ARSB: variants seen among roughly 807,000 people sequenced by gnomAD.
ARSB encodes N-acetylgalactosamine-4-sulfatase.
A neutral mutation model predicts 50.9 loss-of-function variants in ARSB; 41 were observed. That is an observed-to-expected ratio of 0.81 (90% CI 0.63 to 1.04). The LOEUF is 1.04. Ranked by LOEUF, ARSB falls within the 50% of genes least tolerant of loss-of-function variation. The pLI is 0.00. For synonymous variants in ARSB, 269 were observed against 284.8 expected (o/e 0.94, Z 0.56); for missense variants, 672 against 693.3 (o/e 0.97, Z 0.35).
chr5:78,804,252 G>GA (rs1019521860), intron 6 of ARSB, among the ~76,000 whole-genome samples: 19 of 147,454 alleles, frequency 1.3e-4, no homozygotes, highest in East Asian at 7.9e-4. Flanking sequence ...AGTTTTTGTG[G>GA]AAAAAAAAAA....
intron 6 of ARSB, among the ~76,000 whole-genome samples, chr5:78,804,281 G>A (rs1413361253): frequency 6.6e-6 from 1 of 151,312 alleles, no homozygotes; most frequent in Admixed American, 6.6e-5. Flanking sequence ...CTTCAGCTCA[G>A]CATGATTTTT....
chr5:78,932,134 G>T (rs1034855911), intron 4 of ARSB, among the ~76,000 whole-genome samples: 2 of 152,100 alleles, frequency 1.3e-5, no homozygotes, highest in Admixed American at 1.3e-4. Context: ...TATCAAAAAG[G>T]CATACTTCAG....
intron 6 of ARSB, among the ~76,000 whole-genome samples, chr5:78,792,341 T>C (rs1179771445): frequency 6.7e-6 from 1 of 150,286 alleles, no homozygotes; most frequent in Non-Finnish European, 1.5e-5. Flanking sequence ...ATCGCATCAC[T>C]GTACTCCAGC....
chr5:78,868,006 G>A (rs1362764933), intron 5 of ARSB, among the ~76,000 whole-genome samples: 15 of 129,796 alleles, frequency 1.2e-4, no homozygotes, highest in Admixed American at 8.3e-5. Flanking sequence ...CGAGAACTAC[G>A]TGAAGAATGC....
chr5:78,905,271 T>C (rs1749000194), intron 4 of ARSB, among the ~76,000 whole-genome samples: 1 of 151,994 alleles, frequency 6.6e-6, no homozygotes, highest in African/African-American at 2.4e-5. Context: ...TGGATGATCA[T>C]CTCAAATGAG....
At chr5:78,971,228 T>C (rs956119994) in intron 1 of ARSB, among the ~76,000 whole-genome samples, 1 of 152,144 alleles carries the variant, frequency 6.6e-6, no homozygotes, top group South Asian at 2.1e-4. Flanking sequence ...TATCCCTCCT[T>C]GTCTACCCAG....
intron 4 of ARSB, among the ~76,000 whole-genome samples, chr5:78,909,467 C>T (rs962176241): frequency 6.6e-6 from 1 of 152,180 alleles, no homozygotes; most frequent in African/African-American, 2.4e-5. Context: ...AATTGCTTTG[C>T]CCTGAGATGC....
chr5:78,914,702 A>C (rs1362280209), intron 4 of ARSB, among the ~76,000 whole-genome samples: 1 of 152,190 alleles, frequency 6.6e-6, no homozygotes, highest in African/African-American at 2.4e-5. Flanking sequence ...TTTGAGACAG[A>C]GTCTCGCTCT....
At chr5:78,980,755 T>TA (rs1561539912) in intron 1 of ARSB, among the ~76,000 whole-genome samples, 2 of 151,904 alleles carry the variant, frequency 1.3e-5, no homozygotes, top group Non-Finnish European at 2.9e-5. Context: ...TGTGTGTGTG[T>TA]TTTGGTAGAT....
At chr5:78,782,232 T>C (rs1255570126) in intron 6 of ARSB, among the ~76,000 whole-genome samples, 5 of 152,238 alleles carry the variant, frequency 3.3e-5, no homozygotes, top group Non-Finnish European at 7.3e-5. Flanking sequence ...ATCGCTATGT[T>C]CTGCCAATGT....
At chr5:78,826,776 T>C (rs141987608) in intron 6 of ARSB, among the ~76,000 whole-genome samples, 7 of 152,314 alleles carry the variant, frequency 4.6e-5, no homozygotes, top group Admixed American at 1.3e-4. Flanking sequence ...GCTCTTTTGC[T>C]GTGAAAACAG....
chr5:78,930,916 C>G (rs1285313918), intron 4 of ARSB, among the ~76,000 whole-genome samples: 1 of 152,182 alleles, frequency 6.6e-6, no homozygotes, highest in South Asian at 2.1e-4. Flanking sequence ...AGGCCCTCCA[C>G]GGAAGAGCAA....
At position 78,896,373 on chromosome 5, in the gene ARSB, G is replaced by C. The variant is rs142018594; in HGVS notation, c.899-10546C>G. On this transcript the variant is annotated intron_variant, in intron 4 of 7. Coordinates refer to ENST00000264914, the MANE Select transcript of ARSB (RefSeq NM_000046.5). The stretch of plus-strand genomic sequence containing the variant: ...CACTGGCTCCCTGGAGGGGAGCCAG[G>C]ATGAGATCATGAATTAACTGAGATG... 5.5e-4 allele frequency among the ~76,000 whole-genome samples: 83 copies of C among 152,242 alleles called. 1 individual carries two copies. In the East Asian group the frequency reaches 7.4e-3, roughly 14 times the overall value.
chr5:78,867,751 G>C (rs1473273178), intron 5 of ARSB, among the ~76,000 whole-genome samples: 1 of 151,828 alleles, frequency 6.6e-6, no homozygotes. Flanking sequence ...AAAACGCAGA[G>C]CGCCTCTCCT....
chr5:78,801,739 C>G (rs774069632), intron 6 of ARSB, among the ~76,000 whole-genome samples: 4 of 152,080 alleles, frequency 2.6e-5, no homozygotes, highest in Non-Finnish European at 4.4e-5. Context: ...AGGCCTGGGC[C>G]CAGAAAACCC....
chr5:78,798,332 T>G (rs1743251507), intron 6 of ARSB, among the ~76,000 whole-genome samples: 1 of 152,032 alleles, frequency 6.6e-6, no homozygotes, highest in African/African-American at 2.4e-5. Flanking sequence ...ATACACGTTT[T>G]TTTAAGTAAT....
intron 6 of ARSB, among the ~76,000 whole-genome samples, chr5:78,788,578 T>C (rs1380987014): frequency 6.6e-6 from 1 of 152,228 alleles, no homozygotes; most frequent in African/African-American, 2.4e-5. Context: ...GTTGTACTTC[T>C]CTACATTTTT....
chr5:78,849,470 C>T (rs910329525), intron 5 of ARSB, among the ~76,000 whole-genome samples: 6 of 151,068 alleles, frequency 4.0e-5, no homozygotes, highest in Non-Finnish European at 8.9e-5. Flanking sequence ...TTACTGTAGC[C>T]TTGTAGTATA....
intron 4 of ARSB, among the ~76,000 whole-genome samples, chr5:78,941,559 G>A (rs1428465253): frequency 2.0e-5 from 3 of 152,120 alleles, no homozygotes; most frequent in Non-Finnish European, 4.4e-5. Context: ...TTTGTCTTTG[G>A]TTCTCTTTAT....
Sources: allele counts gnomAD v4.1 joint callset (sites outside exome capture counted in the v4.1 genomes callset), GRCh38; gene constraint gnomAD v4.1.1; transcripts MANE v1.5; gene names NCBI Gene and HGNC (gene_info 2026-07-23, HGNC 2026-07-21).